NUDT3: variants seen among roughly 807,000 people sequenced by gnomAD.
The protein encoded by NUDT3 is nudix hydrolase 3.
NUDT3 carries 9 observed loss-of-function variants against 23.6 expected under a neutral mutation model. The observed-to-expected ratio is 0.38, with a 90% confidence interval of 0.23 to 0.66. The LOEUF is 0.66. Ranked by LOEUF, NUDT3 falls within the 30% of genes least tolerant of loss-of-function variation. The pLI is 0.52. For missense variants in NUDT3, 172 were observed against 218.5 expected (o/e 0.79, Z 1.34); for synonymous variants, 86 against 82.6 (o/e 1.04, Z -0.22).
intron 1 of NUDT3, among the ~76,000 whole-genome samples, chr6:34,355,250 G>T (rs1194075168): frequency 6.6e-6 from 1 of 152,120 alleles, no homozygotes; most frequent in Non-Finnish European, 1.5e-5. Flanking sequence ...ATTGGATTTT[G>T]TCAAATGCTT....
chr6:34,383,843 T>C (rs904653447), intron 1 of NUDT3, among the ~76,000 whole-genome samples: 3 of 152,082 alleles, frequency 2.0e-5, no homozygotes, highest in African/African-American at 7.2e-5. Flanking sequence ...CATGACTAAC[T>C]GGTATTAGGC....
intron 4 of NUDT3, 87 bp from the exon 5 acceptor site, chr6:34,289,018 A>C: frequency 7.0e-7 from 1 of 1,418,852 alleles, no homozygotes; most frequent in East Asian, 2.6e-5. Context: ...AAAACATTAA[A>C]GCAATGTTTC....
chr6:34,328,733 C>A (rs558146320), intron 2 of NUDT3, among the ~76,000 whole-genome samples: 16 of 152,080 alleles, frequency 1.1e-4, no homozygotes, highest in African/African-American at 3.9e-4. Context: ...GTTTATGAGC[C>A]GGAGACCCCT....
At chr6:34,348,437 C>T (rs1764414544) in intron 1 of NUDT3, among the ~76,000 whole-genome samples, 2 of 151,866 alleles carry the variant, frequency 1.3e-5, no homozygotes, top group Non-Finnish European at 2.9e-5. Flanking sequence ...AGCTATGATC[C>T]CACTACTGCA....
intron 2 of NUDT3, among the ~76,000 whole-genome samples, chr6:34,317,700 T>G (rs527278324): frequency 1.3e-5 from 2 of 152,326 alleles, no homozygotes; most frequent in African/African-American, 2.4e-5. Context: ...TTTTAAGTTT[T>G]ATTAGGTAGC....
chr6:34,337,251 A>G (rs1008130805), intron 2 of NUDT3, among the ~76,000 whole-genome samples: 8 of 152,258 alleles, frequency 5.3e-5, no homozygotes, highest in African/African-American at 1.9e-4. Context: ...ACTGCAGAAA[A>G]AAAATTAGCT....
At chr6:34,299,559 G>A (rs945370597) in intron 2 of NUDT3, among the ~76,000 whole-genome samples, 1 of 151,578 alleles carries the variant, frequency 6.6e-6, no homozygotes, top group Non-Finnish European at 1.5e-5. Context: ...CAAGTAGCTG[G>A]GGCTATAGGC....
In NUDT3 at chr6:34,392,250, G is replaced by C; in HGVS notation, c.99+14C>G. 1.3e-6 allele frequency: 2 copies of C among 1,574,964 alleles called. No individual in the cohort carries two copies. Among genetic ancestry groups the C allele is most frequent in the Non-Finnish European group, 1.7e-6 (2 of 1,167,092 alleles). On this transcript the variant is annotated intron_variant, in intron 1 of 4. Coordinates refer to ENST00000607016, the MANE Select transcript of NUDT3 (RefSeq NM_006703.4). ...AGACCCGGCGACCCCGGCCCGCCCAGCCTGCCGCCTCACCTCCTCCTCGCT... is the reference window on the plus strand; with the variant it reads ...AGACCCGGCGACCCCGGCCCGCCCACCCTGCCGCCTCACCTCCTCCTCGCT...
At chr6:34,322,267 G>A (rs1040399453) in intron 2 of NUDT3, among the ~76,000 whole-genome samples, 1 of 149,640 alleles carries the variant, frequency 6.7e-6, no homozygotes, top group African/African-American at 2.5e-5. Context: ...GTTTCGCTCT[G>A]TCGCCCAGGC....
chr6:34,388,545 AG>A (rs533631282), intron 1 of NUDT3, among the ~76,000 whole-genome samples: 47 of 152,178 alleles, frequency 3.1e-4, no homozygotes, highest in Non-Finnish European at 6.0e-4. Context: ...AGAACATAAA[AG>A]TTCTCCTGGA....
intron 2 of NUDT3, among the ~76,000 whole-genome samples, chr6:34,332,506 G>A (rs951599007): frequency 6.6e-6 from 1 of 152,064 alleles, no homozygotes; most frequent in Non-Finnish European, 1.5e-5. Flanking sequence ...TCAGTATAAT[G>A]GTGTAACTTT....
At chr6:34,351,201 A>AAAAAAAAAAAC in intron 1 of NUDT3, among the ~76,000 whole-genome samples, 1 of 106,542 alleles carries the variant, frequency 9.4e-6, no homozygotes, top group South Asian at 3.2e-4. Flanking sequence ...CCCTGCCTAA[A>AAAAAAAAAAAC]AAAAAAAAAA....
intron 2 of NUDT3, among the ~76,000 whole-genome samples, chr6:34,326,492 G>GTT (rs3042013): frequency 0.11 from 16,266 of 152,030 alleles, 929 homozygotes; most frequent in Non-Finnish European, 0.12. Context: ...TACTACTGTT[G>GTT]GTCTTTTTAA....
intron 1 of NUDT3, among the ~76,000 whole-genome samples, chr6:34,343,503 T>C (rs1334303603): frequency 1.3e-5 from 2 of 151,496 alleles, no homozygotes; most frequent in African/African-American, 4.9e-5. Flanking sequence ...ATCAAGCCAC[T>C]GTATTCCAGC....
rs908054848 is a variant in NUDT3 at position 34,288,211 on chromosome 6, AC to A, written c.*541del. 5 of 152,190 alleles carry A rather than the reference AC, an allele frequency of 3.3e-5. No homozygotes were observed. Among genetic ancestry groups the A allele is most frequent in the African/African-American group, 1.2e-4 (5 of 41,438 alleles). The allele number at this position is 152,190 out of a possible 1,614,324, so 9.4% of individuals were successfully genotyped here. A position where few individuals can be genotyped will look rare whatever the true frequency, so the allele number is the denominator to read the frequency against. ...AGAGAAAAAAACCTTGAAAAATTAA[AC>A]AAATTTCTCTTTCTAGAAGTCATTT... On this transcript the variant is annotated 3_prime_UTR_variant, in exon 5 of 5. Transcript: ENST00000607016.
At chr6:34,321,622 A>G (rs559712800) in intron 2 of NUDT3, among the ~76,000 whole-genome samples, 1 of 152,258 alleles carries the variant, frequency 6.6e-6, no homozygotes, top group Non-Finnish European at 1.5e-5. Flanking sequence ...TTCTCTGCTT[A>G]GAAGTGGCAA....
At chr6:34,348,453 G>A (rs573812716) in intron 1 of NUDT3, among the ~76,000 whole-genome samples, 2 of 152,160 alleles carry the variant, frequency 1.3e-5, no homozygotes, top group South Asian at 4.1e-4. Flanking sequence ...CTGCACTCCA[G>A]CCTGAGTGAC....
rs975253971 is a variant in NUDT3, at chr6:34,293,526, T to C, written c.265A>G (p.Arg89Gly). The C allele has an allele frequency of 6.2e-7, 1 of 1,614,072 alleles. No individual in the cohort carries two copies. Among genetic ancestry groups the C allele is most frequent in the Non-Finnish European group, 8.5e-7 (1 of 1,180,014 alleles). The part of the protein sequence containing the change: ...RLVGIFENQE[R>G]KHRTYVYVLI... ...ACATAGACATACGTCCTGTGCTTCC[T>C]CTCCTGGTTCTGAAGGGCAAAGAGA... Residue 89 changes from arginine to glycine, a missense_variant, in exon 4 of 5, where the codon AGG (arginine) becomes GGG (glycine). By Grantham distance (125) the Arg-to-Gly change is moderately radical. Transcript: ENST00000607016.
At chr6:34,368,316 C>T (rs765803540) in intron 1 of NUDT3, among the ~76,000 whole-genome samples, 1 of 152,178 alleles carries the variant, frequency 6.6e-6, no homozygotes, top group Non-Finnish European at 1.5e-5. Flanking sequence ...TCTTCCCTAC[C>T]AAGTAGCTGG....
Sources: allele counts gnomAD v4.1 joint callset (sites outside exome capture counted in the v4.1 genomes callset), GRCh38; gene constraint gnomAD v4.1.1; transcripts MANE v1.5; gene names NCBI Gene and HGNC (gene_info 2026-07-23, HGNC 2026-07-21).